Variants in IL1RAPL1 observed in about 807,000 individuals in gnomAD.
IL1RAPL1 encodes interleukin 1 receptor accessory protein like 1.
In IL1RAPL1, 3 loss-of-function variants were observed where a neutral mutation model predicts 48.4. That is an observed-to-expected ratio of 0.06 (90% CI 0.03 to 0.16). IL1RAPL1 has a LOEUF of 0.16. Ranked by LOEUF, IL1RAPL1 falls within the 10% of genes least tolerant of loss-of-function variation. The probability of loss-of-function intolerance (pLI) is 1.00; values close to 1 mark genes in which losing one functional copy is unlikely to be tolerated. For missense variants in IL1RAPL1, 349 were observed against 530.6 expected (o/e 0.66, Z 3.36); for synonymous variants, 185 against 187.7 (o/e 0.99, Z 0.12).
intron 2 of IL1RAPL1, among the ~76,000 whole-genome samples, chrX:29,018,717 A>G (rs1926296188): frequency 8.9e-6 from 1 of 111,862 alleles, no homozygotes; most frequent in Admixed American, 9.6e-5. Flanking sequence ...GGAGATCATC[A>G]GAGTAGTCCA....
At chrX:28,721,829 C>A (rs1452636105) in intron 1 of IL1RAPL1, among the ~76,000 whole-genome samples, 1 of 110,961 alleles carries the variant, frequency 9.0e-6, no homozygotes, top group Admixed American at 9.6e-5. Context: ...CCAGTTTTCC[C>A]AGCACCATTT....
intron 2 of IL1RAPL1, among the ~76,000 whole-genome samples, chrX:29,139,350 A>T (rs1488166509): frequency 1.2e-3 from 75 of 63,937 alleles, no homozygotes; most frequent in African/African-American, 5.9e-3. Context: ...GGAAAAGGGT[A>T]AAAAAAAAAT....
chrX:29,637,528 T>A (rs769282231), intron 5 of IL1RAPL1, among the ~76,000 whole-genome samples: 5 of 111,525 alleles, frequency 4.5e-5, no homozygotes, highest in African/African-American at 1.6e-4. Flanking sequence ...GGAGAAGGTA[T>A]ATATGTATGT....
intron 2 of IL1RAPL1, among the ~76,000 whole-genome samples, chrX:29,202,498 C>T (rs1415490722): frequency 1.8e-5 from 2 of 111,667 alleles, no homozygotes; most frequent in Non-Finnish European, 3.8e-5. Flanking sequence ...CCTAGCAGTC[C>T]CATTACTGAG....
chrX:29,359,120 C>A (rs1933343934), intron 3 of IL1RAPL1, among the ~76,000 whole-genome samples: 1 of 111,541 alleles, frequency 9.0e-6, no homozygotes, highest in South Asian at 3.7e-4. Context: ...GGTTTATATA[C>A]TACAATAGGC....
chrX:28,871,224 A>G (rs1922199935), intron 2 of IL1RAPL1, among the ~76,000 whole-genome samples: 1 of 112,040 alleles, frequency 8.9e-6, no homozygotes, highest in African/African-American at 3.2e-5. Context: ...AATATAAACA[A>G]TAATTCCGAG....
intron 2 of IL1RAPL1, among the ~76,000 whole-genome samples, chrX:28,895,872 G>A (rs927977166): frequency 8.9e-6 from 1 of 112,256 alleles, no homozygotes; most frequent in African/African-American, 3.2e-5. Flanking sequence ...AAGCCGAGAA[G>A]ATCTGGGAAG....
chrX:28,695,436 C>A (rs1337100046), intron 1 of IL1RAPL1, among the ~76,000 whole-genome samples: 1 of 111,271 alleles, frequency 9.0e-6, no homozygotes, highest in Non-Finnish European at 1.9e-5. Context: ...CCCATAGATC[C>A]ATTCTTAAAT....
At chrX:28,772,830 A>G (rs1461986092) in intron 1 of IL1RAPL1, among the ~76,000 whole-genome samples, 1 of 111,525 alleles carries the variant, frequency 9.0e-6, no homozygotes, top group African/African-American at 3.3e-5. Context: ...GCACTATGAC[A>G]ACTTATTAAA....
chrX:28,588,671 G>A (rs1332114847), intron 1 of IL1RAPL1, among the ~76,000 whole-genome samples: 1 of 111,585 alleles, frequency 9.0e-6, no homozygotes, highest in Non-Finnish European at 1.9e-5. Context: ...TTATCTACTG[G>A]ATTATCACTC....
intron 1 of IL1RAPL1, among the ~76,000 whole-genome samples, chrX:28,632,752 G>A (rs776861212): frequency 9.0e-6 from 1 of 111,541 alleles, no homozygotes; most frequent in Non-Finnish European, 1.9e-5. Flanking sequence ...AGTGAAGAGT[G>A]GCATTGTTTT....
At chrX:29,895,751 T>TAATC (rs1488393393) in intron 6 of IL1RAPL1, among the ~76,000 whole-genome samples, 2 of 112,452 alleles carry the variant, frequency 1.8e-5, no homozygotes, top group Non-Finnish European at 3.8e-5. Flanking sequence ...GAAATATGAC[T>TAATC]AATCAAATTG....
chrX:28,840,924 T>C (rs1349348290), intron 2 of IL1RAPL1, among the ~76,000 whole-genome samples: 1 of 111,228 alleles, frequency 9.0e-6, no homozygotes, highest in Non-Finnish European at 1.9e-5. Context: ...ATATGTTTTA[T>C]ATGTGGTCTT....
At chrX:29,104,453 A>G (rs1424262856) in intron 2 of IL1RAPL1, among the ~76,000 whole-genome samples, 1 of 111,228 alleles carries the variant, frequency 9.0e-6, no homozygotes, top group East Asian at 2.8e-4. Flanking sequence ...AGAGAGTAGA[A>G]TGATGGTTAC....
intron 2 of IL1RAPL1, among the ~76,000 whole-genome samples, chrX:29,004,175 A>G (rs920182129): frequency 3.6e-5 from 4 of 112,332 alleles, no homozygotes; most frequent in Non-Finnish European, 5.6e-5. Context: ...ATGAAGATAC[A>G]GTTGATTTAA....
chrX:29,495,009 A>T (rs548602452), intron 5 of IL1RAPL1, among the ~76,000 whole-genome samples: 1 of 112,178 alleles, frequency 8.9e-6, no homozygotes, highest in African/African-American at 3.2e-5. Flanking sequence ...AGTTTCTAAA[A>T]GAAAAATTAA....
intron 2 of IL1RAPL1, among the ~76,000 whole-genome samples, chrX:29,073,253 A>C (rs758861556): frequency 8.9e-6 from 1 of 112,116 alleles, no homozygotes; most frequent in Non-Finnish European, 1.9e-5. Flanking sequence ...TAGAAATTTT[A>C]TTAAACTTTT....
intron 1 of IL1RAPL1, among the ~76,000 whole-genome samples, chrX:28,621,870 T>A (rs1329561761): frequency 8.9e-6 from 1 of 111,929 alleles, no homozygotes; most frequent in Non-Finnish European, 1.9e-5. Flanking sequence ...ATAGACAATG[T>A]ATACTGAAAA....
At chrX:29,897,627 C>T (rs912911498) in intron 6 of IL1RAPL1, among the ~76,000 whole-genome samples, 1 of 112,133 alleles carries the variant, frequency 8.9e-6, no homozygotes, top group African/African-American at 3.2e-5. Context: ...AACATCAGTT[C>T]AACCAAACTG....
Sources: allele counts gnomAD v4.1 joint callset (sites outside exome capture counted in the v4.1 genomes callset), GRCh38; gene constraint gnomAD v4.1.1; transcripts MANE v1.5; gene names NCBI Gene and HGNC (gene_info 2026-07-23, HGNC 2026-07-21).